Variants in PTPRD observed in about 807,000 individuals in gnomAD.
PTPRD encodes protein tyrosine phosphatase receptor type D.
In PTPRD, 34 loss-of-function variants were observed where a neutral mutation model predicts 214.5. That is an observed-to-expected ratio of 0.16 (90% confidence interval 0.12 to 0.21). The LOEUF (loss-of-function observed/expected upper bound fraction) is 0.21. PTPRD is among the 10% of genes least tolerant of loss of function. PTPRD has a pLI of 1.00. For missense variants in PTPRD, 2,545 were observed against 2,398.7 expected (o/e 1.06, Z -1.27); for synonymous variants, 1,128 against 845.7 (o/e 1.33, Z -5.79).
At chr9:9,269,713 G>C (rs990366070) in intron 9 of PTPRD, among the ~76,000 whole-genome samples, 1 of 151,310 alleles carries the variant, frequency 6.6e-6, no homozygotes, top group East Asian at 2.0e-4. Context: ...TGATAATATG[G>C]ATGAACCTGG....
chr9:10,482,158 T>C (rs978962085), intron 2 of PTPRD, among the ~76,000 whole-genome samples: 2 of 151,628 alleles, frequency 1.3e-5, no homozygotes, highest in African/African-American at 2.4e-5. Context: ...AATCACGAGG[T>C]CAGGAGATTG....
chr9:9,795,938 T>A (rs897289562), intron 5 of PTPRD, among the ~76,000 whole-genome samples: 1 of 152,108 alleles, frequency 6.6e-6, no homozygotes, highest in Non-Finnish European at 1.5e-5. Flanking sequence ...TATCACAGGA[T>A]TGTTTCTATG....
intron 4 of PTPRD, among the ~76,000 whole-genome samples, chr9:9,998,115 T>C (rs370616808): frequency 2.8e-5 from 3 of 105,818 alleles, no homozygotes; most frequent in Admixed American, 1.0e-4. Context: ...TAAAGTATAA[T>C]AAAAAAAAAA....
intron 9 of PTPRD, among the ~76,000 whole-genome samples, chr9:9,331,261 C>T (rs2042206001): frequency 1.3e-5 from 2 of 152,076 alleles, no homozygotes; most frequent in South Asian, 2.1e-4. Flanking sequence ...GCTACTATCT[C>T]TCAGGCTTTC....
chr9:9,051,003 T>A (rs956676808), intron 10 of PTPRD, among the ~76,000 whole-genome samples: 2 of 152,184 alleles, frequency 1.3e-5, no homozygotes, highest in Non-Finnish European at 2.9e-5. Flanking sequence ...CAATTACGTA[T>A]AGTTAATTTG....
At chr9:9,390,141 AT>A (rs532640292) in intron 9 of PTPRD, among the ~76,000 whole-genome samples, 180 of 152,256 alleles carry the variant, frequency 1.2e-3, no homozygotes, top group Non-Finnish European at 2.2e-3. Context: ...CCAGCCTGAC[AT>A]TGGTTGGGGA....
chr9:9,319,174 T>C (rs1965096011), intron 9 of PTPRD, among the ~76,000 whole-genome samples: 1 of 152,216 alleles, frequency 6.6e-6, no homozygotes, highest in Non-Finnish European at 1.5e-5. Flanking sequence ...TGACTCACCC[T>C]TGAAAACAGA....
At chr9:10,256,554 AC>A (rs2093297836) in intron 3 of PTPRD, among the ~76,000 whole-genome samples, 1 of 152,148 alleles carries the variant, frequency 6.6e-6, no homozygotes, top group Non-Finnish European at 1.5e-5. Flanking sequence ...GTGGCACTTA[AC>A]TGTAATTTTG....
rs202044289 is a variant in PTPRD at position 10,141,533 on chromosome 9, T to C, written c.-544-107743A>G. On this transcript the variant is annotated intron_variant, in intron 3 of 45. Coordinates refer to ENST00000381196, the MANE Select transcript of PTPRD (RefSeq NM_002839.4). ...CAAAGAGAATAAAATACTTAGGAAT[T>C]CAACTTACAAGGGATGTGAAGGACC... Among the ~76,000 whole-genome samples, 836 of 151,902 alleles carry C rather than the reference T, an allele frequency of 5.5e-3. 7 individuals carry two copies. The highest frequency in any genetic ancestry group is 0.013 in the African/African-American group (529 of 41,424).
intron 3 of PTPRD, among the ~76,000 whole-genome samples, chr9:10,107,068 G>A (rs1463462251): frequency 6.6e-6 from 1 of 151,924 alleles, no homozygotes; most frequent in Non-Finnish European, 1.5e-5. Context: ...AATATGCAGA[G>A]CACTAACTTA....
chr9:8,877,391 A>G (rs2098403451), intron 11 of PTPRD, among the ~76,000 whole-genome samples: 1 of 152,192 alleles, frequency 6.6e-6, no homozygotes, highest in Admixed American at 6.5e-5. Context: ...CCTTATTTTT[A>G]CCTGTGTTTA....
At chr9:9,784,586 A>C (rs1162020639) in intron 5 of PTPRD, among the ~76,000 whole-genome samples, 1 of 152,028 alleles carries the variant, frequency 6.6e-6, no homozygotes, top group African/African-American at 2.4e-5. Context: ...CCATCAAGGT[A>C]CATCTTATTT....
intron 4 of PTPRD, among the ~76,000 whole-genome samples, chr9:9,946,490 G>A (rs934326993): frequency 3.9e-5 from 6 of 152,068 alleles, no homozygotes; most frequent in Non-Finnish European, 7.4e-5. Flanking sequence ...AAAGAGTGCA[G>A]GGTTCAATAG....
chr9:8,349,309 T>C (rs1564163201), intron 39 of PTPRD, among the ~76,000 whole-genome samples: 1 of 152,184 alleles, frequency 6.6e-6, no homozygotes, highest in African/African-American at 2.4e-5. Context: ...TTTAAAAGTA[T>C]CCCAGCCTAC....
intron 4 of PTPRD, among the ~76,000 whole-genome samples, chr9:9,954,573 A>C (rs2093746349): frequency 6.6e-6 from 1 of 150,552 alleles, no homozygotes; most frequent in Non-Finnish European, 1.5e-5. Flanking sequence ...GAAATAGAAA[A>C]TCTGTCATTT....
chr9:9,817,960 A>G (rs995486290), intron 5 of PTPRD, among the ~76,000 whole-genome samples: 4 of 152,172 alleles, frequency 2.6e-5, no homozygotes, highest in Non-Finnish European at 5.9e-5. Context: ...TATAGAGTCA[A>G]AATGTTGATC....
intron 2 of PTPRD, among the ~76,000 whole-genome samples, chr9:10,609,588 T>C (rs1271034844): frequency 6.6e-6 from 1 of 152,102 alleles, no homozygotes; most frequent in Non-Finnish European, 1.5e-5. Flanking sequence ...CCAGCATTAT[T>C]AAAGAAAAAT....
chr9:8,489,410 T>C (rs958522243), intron 27 of PTPRD, among the ~76,000 whole-genome samples: 1 of 152,124 alleles, frequency 6.6e-6, no homozygotes, highest in Admixed American at 6.5e-5. Context: ...TGCTCTCTAT[T>C]GCCAAACCCA....
chr9:9,205,990 T>G (rs1343333891), intron 9 of PTPRD, among the ~76,000 whole-genome samples: 1 of 152,198 alleles, frequency 6.6e-6, no homozygotes, highest in East Asian at 1.9e-4. Flanking sequence ...TCTTGGGTTT[T>G]AAGAGAAGGC....
Sources: allele counts gnomAD v4.1 joint callset (sites outside exome capture counted in the v4.1 genomes callset), GRCh38; gene constraint gnomAD v4.1.1; transcripts MANE v1.5; gene names NCBI Gene and HGNC (gene_info 2026-07-23, HGNC 2026-07-21).